The following JAG2 variants were observed in gnomAD, a reference collection of about 807,000 sequenced individuals.
The protein encoded by JAG2 is protein jagged-2.
Under a neutral mutation model 141.7 loss-of-function variants are expected in JAG2, and 46 were observed. The observed-to-expected ratio is 0.32, with a 90% CI of 0.26 to 0.42. The LOEUF (loss-of-function observed/expected upper bound fraction) is 0.42. Among genes scored for constraint, JAG2 ranks in the 10% least tolerant of loss-of-function variants. JAG2 has a pLI of 1.00. For synonymous variants in JAG2, 862 were observed against 763.5 expected (o/e 1.13, Z -2.13); for missense variants, 1,500 against 1,817.5 (o/e 0.83, Z 3.18).
chr14:105,151,502 C>T lies in JAG2; in HGVS notation c.1154-106G>A, dbSNP rs908338235. On this transcript the variant is annotated intron_variant, in intron 8 of 25. Transcript: ENST00000331782. ...CCTGGGTCTTCCTGCCATTTGTCCT[C>T]GCCAAGCCAGCCGCAGCCACACGTG... 6.1e-5 allele frequency: 84 copies of T among 1,369,064 alleles called. 1 individual carries two copies. Among genetic ancestry groups the T allele is most frequent in the Non-Finnish European group, 6.5e-5 (64 of 981,074 alleles). The allele number at this position is 1,369,064 out of a possible 1,614,324, so 84.8% of individuals were successfully genotyped here. A position where few individuals can be genotyped will look rare whatever the true frequency, so the allele number is the denominator to read the frequency against.
chr14:105,143,517 TTGACCTCGG>T lies in JAG2; in HGVS notation c.3197_3205del (p.Thr1066_Val1068del). 6.3e-7 allele frequency: 1 copy of T among 1,577,742 alleles called. No individual in the cohort carries two copies. Among genetic ancestry groups the T allele is most frequent in the Non-Finnish European group, 8.6e-7 (1 of 1,164,440 alleles). On this transcript the variant is annotated inframe_deletion, in exon 25 of 26. Coordinates refer to ENST00000331782, the MANE Select transcript of JAG2 (RefSeq NM_002226.5). ...GCCGCCCGTAACAACCGTCTCCACC[TTGACCTCGG>T]TGACAGCCAGGAGCAGTGAGCTGTT...
At chr14:105,156,682 G>A (rs1888593827) in intron 3 of JAG2, among the ~76,000 whole-genome samples, 1 of 152,090 alleles carries the variant, frequency 6.6e-6, no homozygotes, top group East Asian at 1.9e-4. Flanking sequence ...AAAGGTGAAC[G>A]GGTCCTCCAG....
intron 18 of JAG2, 33 bp from the exon 19 acceptor site, chr14:105,147,560 T>C (rs1566760794): frequency 6.2e-7 from 1 of 1,603,580 alleles, no homozygotes; most frequent in Non-Finnish European, 8.5e-7. Context: ...AGGGGATCAG[T>C]ACCCACCCCC....
intron 2 of JAG2, among the ~76,000 whole-genome samples, chr14:105,165,929 T>A (rs1888895198): frequency 6.6e-6 from 1 of 152,174 alleles, no homozygotes; most frequent in Non-Finnish European, 1.5e-5. Flanking sequence ...CAGGGCAGCA[T>A]GGCCAGGGAC....
At position 105,143,201 on chromosome 14, in the gene JAG2, A is replaced by G. The variant is rs758573370; in HGVS notation, c.3242-31T>C. 4.0e-5 allele frequency: 64 copies of G among 1,585,720 alleles called. 3 individuals are homozygous for G. In the South Asian group the frequency reaches 6.4e-4, roughly 16 times the overall value. ...GACCGGGGAGAAGAGCCGGTGGGCA[A>G]TGAGGCCTGGGCACCTGCGGGGCAC... On this transcript the variant is annotated intron_variant, in intron 25 of 25. Transcript: ENST00000331782.
chr14:105,143,131 A>G lies in JAG2; in HGVS notation c.3281T>C (p.Leu1094Pro), dbSNP rs895941448. 2 of 1,598,972 alleles carry G rather than the reference A, an allele frequency of 1.3e-6. No homozygotes were observed. The highest frequency in any genetic ancestry group is 1.7e-6 in the Non-Finnish European group (2 of 1,179,704). The change falls in exon 26 of 26, where the codon CTG becomes CCG. Residue 1094 changes from leucine (L) to proline (P), a missense_variant. By Grantham distance (98) the Leu-to-Pro change is moderately conservative. Coordinates refer to ENST00000331782, the MANE Select transcript of JAG2 (RefSeq NM_002226.5). Reference protein sequence around the residue: ...VPVLCGAFSVLWLACVVLCVW... With the variant: ...VPVLCGAFSVPWLACVVLCVW... ...GCACAGGACCACGCACGCCAGCCAC[A>G]GCACGCTGAAGGCACCACACAGCAC...
Position 105,151,950 on chromosome 14 carries a change from T to G in JAG2, c.1027A>C (p.Asn343His). Residue 343 changes from asparagine to histidine, a missense_variant, in exon 7 of 26, where the codon AAC (asparagine) becomes CAC (histidine). Physicochemically the swap from Asn to His is moderately conservative, Grantham distance 68 (BLOSUM62 1). Coordinates refer to ENST00000331782, the MANE Select transcript of JAG2 (RefSeq NM_002226.5). ...CTCPDGYSGR[N>H]CEKAEHACTS... ...GCCCCCCACGTACCCTTCTCACAGT[T>G]CCTGCCCGAGTAGCCGTCAGGGCAG... is the stretch of plus-strand genomic sequence containing the variant. 6.2e-7 allele frequency: 1 copy of G among 1,613,114 alleles called. No individual in the cohort carries two copies. The highest frequency in any genetic ancestry group is 8.5e-7 in the Non-Finnish European group (1 of 1,180,006).
intron 24 of JAG2, among the ~76,000 whole-genome samples, chr14:105,144,337 G>C (rs1287082799): frequency 6.6e-6 from 1 of 151,988 alleles, no homozygotes; most frequent in Non-Finnish European, 1.5e-5. Context: ...CCATCACCCA[G>C]CAGCACCCAT....
chr14:105,143,563 TGATGGCGGCCAC>T lies in JAG2; in HGVS notation c.3148_3159del (p.Val1050_Ile1053del). 1 of 1,601,916 alleles carries T rather than the reference TGATGGCGGCCAC, an allele frequency of 6.2e-7. No homozygotes were observed. Among genetic ancestry groups the T allele is most frequent in the Non-Finnish European group, 8.5e-7 (1 of 1,176,910 alleles). On this transcript the variant is annotated inframe_deletion, in exon 25 of 26. Coordinates refer to ENST00000331782, the MANE Select transcript of JAG2 (RefSeq NM_002226.5). ...AGCAGTGAGCTGTTCCCCCGCTGGG[TGATGGCGGCCAC>T]GATGGCGTGGGCCGCGCCCTGGATC...
In JAG2 at chr14:105,147,816, GAGA is replaced by G; in HGVS notation, c.2318_2320del (p.Phe773del). On this transcript the variant is annotated inframe_deletion, in exon 18 of 26. Transcript: ENST00000331782. ...CTCCCAGCCGTCCCGGCAGATGCAGGAGAAGGAGGCCCCGCTGCCCACGCAGGT... is the reference window on the plus strand; with the variant it reads ...CTCCCAGCCGTCCCGGCAGATGCAGGAGGAGGCCCCGCTGCCCACGCAGGT... 2.6e-6 allele frequency: 4 copies of G among 1,549,988 alleles called. No individual in the cohort carries two copies. The highest frequency in any genetic ancestry group is 1.7e-6 in the Non-Finnish European group (2 of 1,147,646).
rs771494301 is a variant in JAG2, at chr14:105,146,602, G to A, written c.2593+9C>T. The A allele has an allele frequency of 6.8e-6, 11 of 1,610,972 alleles. No homozygotes were observed. Among genetic ancestry groups the A allele is most frequent in the Admixed American group, 5.0e-5 (3 of 59,984 alleles). ...CCGCCCCAACCCAGGGCAATCACAC[G>A]GGGCCTACCTTCCTGGCACCGGGGG... On this transcript the variant is annotated intron_variant, in intron 21 of 25. Coordinates refer to ENST00000331782, the MANE Select transcript of JAG2 (RefSeq NM_002226.5).
At chr14:105,144,792 G>C in intron 24 of JAG2, 138 bp downstream of exon 24, 1 of 1,124,406 alleles carries the variant, frequency 8.9e-7, no homozygotes, top group Admixed American at 2.0e-5. Context: ...GACAGCGAGG[G>C]GCCGCAGGGA....
At chr14:105,157,389 G>A (rs866243394) in intron 3 of JAG2, among the ~76,000 whole-genome samples, 2 of 152,090 alleles carry the variant, frequency 1.3e-5, no homozygotes, top group Non-Finnish European at 2.9e-5. Flanking sequence ...CTCCAGTACA[G>A]ACAAGCAGAG....
chr14:105,147,461 C>T lies in JAG2; in HGVS notation c.2393+39G>A, dbSNP rs587642359. 19 of 1,608,678 alleles carry T rather than the reference C, an allele frequency of 1.2e-5. No individual in the cohort carries two copies. In the South Asian group the frequency reaches 1.6e-4, roughly 14 times the overall value. ...GGTGGCCCCCCGTGGTATGCCAAGTCCCACCCACCCCTGCTGTGGCCCCCA... is the reference window on the plus strand; with the variant it reads ...GGTGGCCCCCCGTGGTATGCCAAGTTCCACCCACCCCTGCTGTGGCCCCCA... On this transcript the variant is annotated intron_variant, in intron 19 of 25. Transcript: ENST00000331782.
intron 3 of JAG2, among the ~76,000 whole-genome samples, chr14:105,157,354 G>C (rs1015094592): frequency 2.0e-5 from 3 of 152,246 alleles, no homozygotes; most frequent in Non-Finnish European, 2.9e-5. Flanking sequence ...CCCTGCCTCA[G>C]GGAGAGGGCC....
chr14:105,145,739 C>G lies in JAG2; in HGVS notation c.2944G>C (p.Val982Leu), dbSNP rs770587327. ...RLTLHFNRDH[V>L]PQGTTVGAIC... Reference sequence around the variant, plus strand: ...GCCACCAGGCCCCTCACCTGGGGCACGTGGTCACGGTTGAAATGCAAGGTG... The same window carrying G: ...GCCACCAGGCCCCTCACCTGGGGCAGGTGGTCACGGTTGAAATGCAAGGTG... The change falls in exon 23 of 26, where the codon GTG (valine) becomes CTG (leucine). Residue 982 changes from valine to leucine, a missense_variant. Coordinates refer to ENST00000331782, the MANE Select transcript of JAG2 (RefSeq NM_002226.5). 1 of 1,594,748 alleles carries G rather than the reference C, an allele frequency of 6.3e-7. No homozygotes were observed. The highest frequency in any genetic ancestry group is 8.5e-7 in the Non-Finnish European group (1 of 1,171,376).
At chr14:105,165,515 A>C (rs1888882525) in intron 2 of JAG2, among the ~76,000 whole-genome samples, 1 of 152,264 alleles carries the variant, frequency 6.6e-6, no homozygotes, top group Admixed American at 6.5e-5. Flanking sequence ...CTCCACATTC[A>C]AGACCCTGGG....
chr14:105,151,558 G>A (rs587755543), intron 8 of JAG2, 68 bp downstream of exon 8: 15 of 1,397,796 alleles, frequency 1.1e-5, no homozygotes, highest in East Asian at 4.9e-5. Flanking sequence ...CATCCCCAGC[G>A]AGTTGCCCCA....
intron 20 of JAG2, chr14:105,146,982 C>T (rs192680459): frequency 3.7e-5 from 23 of 621,038 alleles, no homozygotes; most frequent in African/African-American, 2.5e-4. Context: ...GCTGCTGCGT[C>T]GGACCAGCCA....
Sources: allele counts gnomAD v4.1 joint callset (sites outside exome capture counted in the v4.1 genomes callset), GRCh38; gene constraint gnomAD v4.1.1; transcripts MANE v1.5; gene names NCBI Gene and HGNC (gene_info 2026-07-23, HGNC 2026-07-21).